The following FER variants were observed in gnomAD, a reference collection of about 807,000 sequenced individuals.
The protein encoded by FER is tyrosine-protein kinase Fer.
In FER, 63 loss-of-function variants were observed where a neutral mutation model predicts 111.0. The ratio of observed to expected loss-of-function variants is 0.57; its 90% CI spans 0.46 to 0.70. The LOEUF is 0.70. Ranked by LOEUF, FER falls within the 30% of genes least tolerant of loss-of-function variation. The probability of loss-of-function intolerance (pLI) is 0.00; values close to 1 mark genes in which losing one functional copy is unlikely to be tolerated. For synonymous variants in FER, 327 were observed against 313.9 expected (o/e 1.04, Z -0.44); for missense variants, 914 against 954.0 (o/e 0.96, Z 0.55).
At chr5:109,029,205 G>A (rs78106672) in intron 13 of FER, among the ~76,000 whole-genome samples, 4,467 of 143,130 alleles carry the variant, frequency 0.031, 104 homozygotes, top group African/African-American at 0.067. Context: ...TTTTACCTAC[G>A]TCCTTTTAGG....
chr5:108,979,481 A>C (rs1409405478), intron 13 of FER, among the ~76,000 whole-genome samples: 2 of 152,176 alleles, frequency 1.3e-5, no homozygotes, highest in East Asian at 3.8e-4. Context: ...TAAGCATTTA[A>C]ATATTAAGTC....
intron 13 of FER, among the ~76,000 whole-genome samples, chr5:108,979,667 C>G (rs945031916): frequency 6.6e-6 from 1 of 152,138 alleles, no homozygotes; most frequent in Non-Finnish European, 1.5e-5. Flanking sequence ...AGAAGTTTCT[C>G]TCTGTTACTA....
At chr5:108,790,334 C>A (rs1755229540) in intron 2 of FER, among the ~76,000 whole-genome samples, 1 of 150,978 alleles carries the variant, frequency 6.6e-6, no homozygotes. Flanking sequence ...TAATTTTTAC[C>A]ATGTCTTCAA....
intron 17 of FER, among the ~76,000 whole-genome samples, chr5:109,115,495 A>G (rs1310223322): frequency 1.3e-5 from 2 of 152,116 alleles, no homozygotes; most frequent in African/African-American, 4.8e-5. Flanking sequence ...TTAACTAATT[A>G]TCTCTACACC....
At chr5:109,016,734 A>G (rs1767185215) in intron 13 of FER, among the ~76,000 whole-genome samples, 1 of 152,088 alleles carries the variant, frequency 6.6e-6, no homozygotes, top group Non-Finnish European at 1.5e-5. Context: ...GAATATATAC[A>G]TATTTTCCAC....
At chr5:109,135,840 A>C (rs1432623932) in intron 17 of FER, among the ~76,000 whole-genome samples, 1 of 152,174 alleles carries the variant, frequency 6.6e-6, no homozygotes, top group Admixed American at 6.5e-5. Flanking sequence ...GTGAAGTTCT[A>C]ATAACCAGCG....
chr5:108,822,771 T>TATGTG (rs1396080222), intron 3 of FER, among the ~76,000 whole-genome samples: 23,710 of 145,440 alleles, frequency 0.16, 2,172 homozygotes, highest in Middle Eastern at 0.18. Flanking sequence ...TTATTTATTT[T>TATGTG]ATTTTATGTT....
At chr5:108,795,631 G>A (rs1036364158) in intron 2 of FER, among the ~76,000 whole-genome samples, 3 of 151,542 alleles carry the variant, frequency 2.0e-5, no homozygotes, top group Non-Finnish European at 4.4e-5. Flanking sequence ...CTGCTTCATC[G>A]ATTCTGATAT....
intron 17 of FER, among the ~76,000 whole-genome samples, chr5:109,144,559 G>A (rs527982128): frequency 3.2e-4 from 48 of 152,168 alleles, no homozygotes; most frequent in African/African-American, 1.1e-3. Context: ...TTCTCATTCC[G>A]ATCTTTAAAA....
At chr5:109,092,678 C>T (rs971084739) in intron 16 of FER, among the ~76,000 whole-genome samples, 10 of 152,120 alleles carry the variant, frequency 6.6e-5, no homozygotes, top group Non-Finnish European at 1.3e-4. Context: ...AAAAGTAAAA[C>T]TGTGATGGCA....
intron 16 of FER, among the ~76,000 whole-genome samples, chr5:109,048,823 ACT>A (rs1385199097): frequency 1.2e-4 from 13 of 104,438 alleles, no homozygotes; most frequent in African/African-American, 3.8e-5. Context: ...ATACTCCACC[ACT>A]GTTTCAGATC....
chr5:108,954,197 T>A (rs1352757777), intron 11 of FER, among the ~76,000 whole-genome samples: 2 of 151,976 alleles, frequency 1.3e-5, no homozygotes, highest in Non-Finnish European at 2.9e-5. Flanking sequence ...GAGGTAATGG[T>A]TAAGGAAGTC....
intron 6 of FER, among the ~76,000 whole-genome samples, chr5:108,868,876 T>A (rs1764334579): frequency 6.6e-6 from 1 of 152,124 alleles, no homozygotes; most frequent in Admixed American, 6.6e-5. Context: ...AATGTAGTGG[T>A]AAATTGATAT....
intron 13 of FER, among the ~76,000 whole-genome samples, chr5:109,034,110 T>G (rs1243520294): frequency 6.6e-6 from 1 of 152,200 alleles, no homozygotes; most frequent in Non-Finnish European, 1.5e-5. Flanking sequence ...ACTGAGACTT[T>G]GTACCATTTG....
At chr5:108,940,212 A>C (rs1490747464) in intron 10 of FER, among the ~76,000 whole-genome samples, 1 of 152,148 alleles carries the variant, frequency 6.6e-6, no homozygotes, top group Non-Finnish European at 1.5e-5. Context: ...AATGGTAGTC[A>C]AAATCAAATC....
intron 17 of FER, among the ~76,000 whole-genome samples, chr5:109,154,140 A>C (rs796396426): frequency 2.6e-4 from 40 of 152,052 alleles, no homozygotes; most frequent in African/African-American, 8.9e-4. Flanking sequence ...AGTTCTGATA[A>C]GTCTCATAAT....
chr5:108,849,453 T>TGG, intron 5 of FER, among the ~76,000 whole-genome samples: 1 of 145,072 alleles, frequency 6.9e-6, no homozygotes, highest in African/African-American at 2.6e-5. Context: ...CTGGTGGTGG[T>TGG]TTTGTTGTTG....
intron 10 of FER, among the ~76,000 whole-genome samples, chr5:108,920,055 C>CT (rs1752822033): frequency 1.3e-5 from 2 of 152,010 alleles, no homozygotes; most frequent in Admixed American, 6.6e-5. Context: ...ATTTCAGAGA[C>CT]TACAGTCCCC....
At chr5:108,892,998 G>C (rs1047589964) in intron 9 of FER, among the ~76,000 whole-genome samples, 1 of 152,100 alleles carries the variant, frequency 6.6e-6, no homozygotes, top group Non-Finnish European at 1.5e-5. Context: ...CATTATTTCT[G>C]AGGGCTCTGT....
Sources: gnomAD v4.1 joint callset for allele counts (sites outside exome capture counted in the v4.1 genomes callset) on GRCh38, gnomAD v4.1.1 for gene constraint, MANE v1.5 for transcripts, NCBI Gene and HGNC (gene_info 2026-07-23, HGNC 2026-07-21) for gene names.